Variants in ZMYM2 observed in about 807,000 individuals in gnomAD.
ZMYM2 encodes the protein zinc finger MYM-type protein 2.
In ZMYM2, 56 loss-of-function variants were observed where a neutral mutation model predicts 162.8. The ratio of observed to expected loss-of-function variants is 0.34; its 90% confidence interval spans 0.28 to 0.43. The LOEUF (loss-of-function observed/expected upper bound fraction) is 0.43. Ranked by LOEUF, ZMYM2 falls within the 20% of genes least tolerant of loss-of-function variation. The pLI is 1.00. For synonymous variants in ZMYM2, 510 were observed against 541.6 expected (o/e 0.94, Z 0.81); for missense variants, 1,275 against 1,621.8 (o/e 0.79, Z 3.67).
intron 3 of ZMYM2, among the ~76,000 whole-genome samples, chr13:20,001,353 C>T (rs562235814): frequency 2.0e-5 from 3 of 149,610 alleles, no homozygotes; most frequent in South Asian, 2.1e-4. Flanking sequence ...GACTGCTCCA[C>T]TGCTCTCCAG....
intron 6 of ZMYM2, among the ~76,000 whole-genome samples, chr13:20,009,007 A>G (rs920156884): frequency 3.9e-5 from 6 of 152,270 alleles, no homozygotes; most frequent in African/African-American, 1.4e-4. Context: ...AAAACCAGGG[A>G]AAAAATACCC....
the ZMYM2 span, among the ~76,000 whole-genome samples, chr13:19,937,908 G>A: frequency 9.9e-5 from 15 of 151,390 alleles, no homozygotes; most frequent in South Asian, 1.0e-3. Flanking sequence ...TTGTCCTTGC[G>A]ATAGTTTGCT....
At chr13:20,047,179 A>G (rs746223481) in intron 12 of ZMYM2, among the ~76,000 whole-genome samples, 1 of 152,224 alleles carries the variant, frequency 6.6e-6, no homozygotes, top group Non-Finnish European at 1.5e-5. Context: ...GTCTCTCTTC[A>G]TTCATCCTTG....
intron 3 of ZMYM2, among the ~76,000 whole-genome samples, chr13:20,000,925 G>C (rs1950342207): frequency 6.6e-6 from 1 of 152,248 alleles, no homozygotes; most frequent in South Asian, 2.1e-4. Flanking sequence ...GCCATTCTCA[G>C]TGCCCTTATG....
intron 14 of ZMYM2, among the ~76,000 whole-genome samples, chr13:20,056,615 G>A (rs1955815681): frequency 6.6e-6 from 1 of 152,152 alleles, no homozygotes; most frequent in Admixed American, 6.5e-5. Context: ...CAACCTGGGG[G>A]CAGTATAAAG....
chr13:19,987,059 C>T (rs967630793), intron 2 of ZMYM2, among the ~76,000 whole-genome samples: 12 of 130,206 alleles, frequency 9.2e-5, no homozygotes, highest in Admixed American at 1.9e-4. Flanking sequence ...GAGCTGTGAT[C>T]GTGCCACTGC....
intron 2 of ZMYM2, chr13:19,969,964 T>C (rs1956160313): frequency 1.2e-6 from 1 of 842,458 alleles, no homozygotes; most frequent in Non-Finnish European, 1.4e-6. Context: ...GTACCTGAAG[T>C]CTACCTTATT....
the ZMYM2 span, among the ~76,000 whole-genome samples, chr13:19,892,728 T>A: frequency 2.0e-5 from 3 of 151,698 alleles, no homozygotes; most frequent in Non-Finnish European, 4.4e-5. Flanking sequence ...TAACCTTTTT[T>A]TTTTTTGTCA....
the ZMYM2 span, among the ~76,000 whole-genome samples, chr13:19,947,035 T>TTA: frequency 6.6e-6 from 1 of 151,744 alleles, no homozygotes; most frequent in African/African-American, 2.4e-5. Context: ...TTATTTTTAT[T>TTA]TTTATTTATT....
At chr13:19,891,776 C>G in the ZMYM2 span, among the ~76,000 whole-genome samples, 4 of 151,480 alleles carry the variant, frequency 2.6e-5, no homozygotes, top group Non-Finnish European at 1.5e-5. Context: ...GATCCTCCCT[C>G]TAAAAAAAAT....
At chr13:20,058,996 C>T (rs1402967204) in intron 15 of ZMYM2, 2 of 466,758 alleles carry the variant, frequency 4.3e-6, no homozygotes, top group African/African-American at 4.0e-5. Flanking sequence ...AATGCTTCCT[C>T]TGAGAAAATC....
intron 7 of ZMYM2, chr13:20,024,537 C>T (rs914049827): frequency 9.0e-6 from 2 of 222,950 alleles, no homozygotes; most frequent in Non-Finnish European, 1.8e-5. Context: ...GTCTTGCAAA[C>T]TTGCAACATA....
the ZMYM2 span, among the ~76,000 whole-genome samples, chr13:19,927,337 T>C: frequency 6.6e-6 from 1 of 152,214 alleles, no homozygotes; most frequent in Non-Finnish European, 1.5e-5. Flanking sequence ...TCTTGAAATC[T>C]TAACAAATAT....
intron 22 of ZMYM2, 45 bp from the exon 23 acceptor site, chr13:20,082,736 C>A: frequency 7.0e-7 from 1 of 1,432,072 alleles, no homozygotes; most frequent in South Asian, 1.5e-5. Context: ...TAAATGAAAA[C>A]TTTTATTTAT....
chr13:20,020,122 G>A (rs1951947208), intron 7 of ZMYM2, among the ~76,000 whole-genome samples: 1 of 151,988 alleles, frequency 6.6e-6, no homozygotes, highest in South Asian at 2.1e-4. Context: ...TGTCAGGTTA[G>A]TCAATAGAGC....
At chr13:19,906,218 G>A in the ZMYM2 span, among the ~76,000 whole-genome samples, 1 of 140,762 alleles carries the variant, frequency 7.1e-6, no homozygotes, top group African/African-American at 2.6e-5. Context: ...GAGGTTACAG[G>A]GAACAGAAAT....
chr13:19,911,946 T>C, the ZMYM2 span, among the ~76,000 whole-genome samples: 2 of 152,330 alleles, frequency 1.3e-5, no homozygotes, highest in East Asian at 3.9e-4. Flanking sequence ...GGGGTGGTGA[T>C]TCCCACCACA....
At chr13:19,995,001 T>C (rs1409172059) in intron 3 of ZMYM2, among the ~76,000 whole-genome samples, 2 of 29,428 alleles carry the variant, frequency 6.8e-5, no homozygotes, top group Non-Finnish European at 1.7e-4. Context: ...CCTGGCTAAA[T>C]TAAAAAAAAA....
chr13:19,930,375 TG>T, the ZMYM2 span, among the ~76,000 whole-genome samples: 1 of 151,744 alleles, frequency 6.6e-6, no homozygotes, highest in African/African-American at 2.4e-5. Context: ...CACTCCAGCC[TG>T]GGCCACAGAG....
Sources: gnomAD v4.1 joint callset for allele counts (sites outside exome capture counted in the v4.1 genomes callset) on GRCh38, gnomAD v4.1.1 for gene constraint, MANE v1.5 for transcripts, NCBI Gene and HGNC (gene_info 2026-07-23, HGNC 2026-07-21) for gene names.